Variants in SLC16A1 observed in about 807,000 individuals in gnomAD.
The protein encoded by SLC16A1 is monocarboxylate transporter 1.
SLC16A1 carries 11 observed loss-of-function variants against 32.2 expected under a neutral mutation model. The ratio of observed to expected loss-of-function variants is 0.34; its 90% confidence interval spans 0.21 to 0.56. The LOEUF (loss-of-function observed/expected upper bound fraction) is 0.56. SLC16A1 is among the 20% of genes least tolerant of loss of function. The pLI, the probability that SLC16A1 is intolerant of heterozygous loss-of-function variation, is 0.87. For missense variants in SLC16A1, 435 were observed against 615.0 expected, an observed-to-expected ratio of 0.71 and a Z score of 3.10; for synonymous variants, 231 against 226.8, an observed-to-expected ratio of 1.02 and a Z score of -0.17.
At position 112,913,830 on chromosome 1, in the gene SLC16A1, T is replaced by C; in HGVS notation, c.*61A>G. ...GCACCACTGGTAGATTACAGGCCAG[T>C]AGAATATTTTCAGATATCCTGGGTC... On this transcript the variant is annotated 3_prime_UTR_variant, in exon 5 of 5. Coordinates refer to ENST00000369626, the MANE Select transcript of SLC16A1 (RefSeq NM_003051.4). 5 of 1,589,656 alleles carry C rather than the reference T, an allele frequency of 3.1e-6. No individual in the cohort carries two copies. The highest frequency in any genetic ancestry group is 2.2e-5 in the East Asian group (1 of 44,754).
rs1648354271 is a variant in SLC16A1, at chr1:112,912,438, G to A, written c.*1453C>T. 1 of 152,086 alleles carries A rather than the reference G, an allele frequency of 6.6e-6. No homozygotes were observed. The highest frequency in any genetic ancestry group is 1.5e-5 in the Non-Finnish European group (1 of 68,006). The allele number at this position is 152,086 out of a possible 1,614,324, so 9.4% of individuals were successfully genotyped here. A position where few individuals can be genotyped will look rare whatever the true frequency, so the allele number is the denominator to read the frequency against. On this transcript the variant is annotated 3_prime_UTR_variant, in exon 5 of 5. Transcript: ENST00000369626. ...ATACTTTTACTCTGTCAATTACAGT[G>A]GTATTTTAAATGCATTGAATATAAT...
intron 1 of SLC16A1, among the ~76,000 whole-genome samples, chr1:112,951,090 T>C (rs1649875439): frequency 6.6e-6 from 1 of 151,994 alleles, no homozygotes. Context: ...AAGATTGTTA[T>C]TGCATTTTAA....
intron 1 of SLC16A1, among the ~76,000 whole-genome samples, chr1:112,953,974 T>C (rs2101656602): frequency 6.6e-6 from 1 of 152,356 alleles, no homozygotes; most frequent in Non-Finnish European, 1.5e-5. Context: ...TTATCTGTTT[T>C]CCAGCTAGAC....
chr1:112,934,181 T>C (rs1336219597), intron 1 of SLC16A1, among the ~76,000 whole-genome samples: 1 of 152,238 alleles, frequency 6.6e-6, no homozygotes, highest in Non-Finnish European at 1.5e-5. Flanking sequence ...TCTGAAAATA[T>C]GAAACCCAAA....
rs1041769605 is a variant in SLC16A1, at chr1:112,911,976, C to A, written c.*1915G>T. The A allele has an allele frequency of 2.6e-5, 4 of 152,152 alleles. No homozygotes were observed. Among genetic ancestry groups the A allele is most frequent in the African/African-American group, 9.7e-5 (4 of 41,448 alleles). 9.4% of individuals were successfully genotyped at this position (152,152 alleles called of 1,614,324 possible). ...TACGCAGAGGTTACAGACTTGGGTC[C>A]AAAGAAAATTACAGAGTCCAAACTG... On this transcript the variant is annotated 3_prime_UTR_variant, in exon 5 of 5. Coordinates refer to ENST00000369626, the MANE Select transcript of SLC16A1 (RefSeq NM_003051.4).
intron 1 of SLC16A1, among the ~76,000 whole-genome samples, chr1:112,950,919 C>A (rs1649869689): frequency 6.6e-6 from 1 of 152,178 alleles, no homozygotes; most frequent in South Asian, 2.1e-4. Context: ...TCTGCTTGAG[C>A]CCAGGAGTTA....
chr1:112,944,401 G>A (rs797015675), intron 1 of SLC16A1, among the ~76,000 whole-genome samples: 22 of 152,236 alleles, frequency 1.4e-4, no homozygotes, highest in African/African-American at 4.3e-4. Context: ...CCAAGATCAC[G>A]CCACTGGACC....
Position 112,917,081 on chromosome 1 carries a change from T to C in SLC16A1, c.1228+97A>G, listed in dbSNP as rs539732666. On this transcript the variant is annotated intron_variant, in intron 4 of 4. Coordinates refer to ENST00000369626, the MANE Select transcript of SLC16A1 (RefSeq NM_003051.4). This position sits in a 1 kb window ranked among gnomAD's most constrained non-coding sequence, Gnocchi z 4.1. ...TACATAAATGAGAAAGATTTATTCT[T>C]ACCCAAATAGCTCACTAATGTTTGC... 88 of 1,475,878 alleles carry C rather than the reference T, an allele frequency of 6.0e-5. No homozygotes were observed. The highest frequency in any genetic ancestry group is 7.8e-5 in the Non-Finnish European group (83 of 1,065,904). 91.4% of individuals were successfully genotyped at this position (1,475,878 alleles called of 1,614,324 possible).
intron 1 of SLC16A1, among the ~76,000 whole-genome samples, chr1:112,953,554 T>G (rs974532550): frequency 2.6e-5 from 4 of 152,234 alleles, no homozygotes; most frequent in African/African-American, 7.2e-5. Flanking sequence ...CTTTAATTTT[T>G]TTACCCTCCT....
chr1:112,922,712 T>C (rs1648781315), intron 2 of SLC16A1, among the ~76,000 whole-genome samples: 1 of 151,810 alleles, frequency 6.6e-6, no homozygotes, highest in Admixed American at 6.6e-5. Context: ...GAGGTGGAGG[T>C]TGCAGTGAGC....
chr1:112,929,493 C>T, intron 1 of SLC16A1, 141 bp from the exon 2 acceptor site: 1 of 634,114 alleles, frequency 1.6e-6, no homozygotes, highest in Non-Finnish European at 2.8e-6. Flanking sequence ...GCAGGAGGAT[C>T]ATTTGAGGCC....
chr1:112,918,021 T>G lies in SLC16A1; in HGVS notation c.385A>C (p.Asn129His), dbSNP rs1648577697. 1 of 1,581,516 alleles carries G rather than the reference T, an allele frequency of 6.3e-7. No individual in the cohort carries two copies. Among genetic ancestry groups the G allele is most frequent in the African/African-American group, 1.4e-5 (1 of 72,840 alleles). Residue 129 changes from asparagine to histidine, a missense_variant, in exon 4 of 5, where the codon AAT (asparagine) becomes CAT (histidine). Physicochemically the swap from Asn to His is moderately conservative, Grantham distance 68. Coordinates refer to ENST00000369626, the MANE Select transcript of SLC16A1 (RefSeq NM_003051.4). ...TTGCCAATCATGGTCAGAGCTGGAT[T>G]CAAGTTGAAGGCAAGCCCAAGACCT... ...IGGLGLAFNLNPALTMIGKYF... is the reference protein window; with the variant it reads ...IGGLGLAFNLHPALTMIGKYF...
chr1:112,947,315 G>A (rs568134330), intron 1 of SLC16A1, among the ~76,000 whole-genome samples: 1 of 152,278 alleles, frequency 6.6e-6, no homozygotes, highest in Non-Finnish European at 1.5e-5. Flanking sequence ...AAATAAGTGA[G>A]TTGTCAGGAT....
intron 2 of SLC16A1, among the ~76,000 whole-genome samples, chr1:112,922,698 C>T (rs1328928174): frequency 6.6e-6 from 1 of 152,088 alleles, no homozygotes; most frequent in Non-Finnish European, 1.5e-5. Flanking sequence ...TGGCTTGAAC[C>T]TGGGAGGTGG....
Position 112,941,393 on chromosome 1 carries a change from T to C in SLC16A1, c.-44-12041A>G, listed in dbSNP as rs1484873531. On this transcript the variant is annotated intron_variant, in intron 1 of 4. Coordinates refer to ENST00000369626, the MANE Select transcript of SLC16A1 (RefSeq NM_003051.4). ...GCCTCCTGGATTCAAGCAATTCTCC[T>C]GCCTCAGCCTCCCAAGTAGCTGGGA... Among the ~76,000 whole-genome samples the C allele has an allele frequency of 2.0e-5, 3 of 151,658 alleles. No homozygotes were observed. The East Asian group carries it at 5.9e-4, about 30-fold the overall frequency.
rs1000546889 is a variant in SLC16A1 at position 112,913,254 on chromosome 1, A to G, written c.*637T>C. 6.5e-6 allele frequency: 1 copy of G among 153,390 alleles called. No homozygotes were observed. The highest frequency in any genetic ancestry group is 1.5e-5 in the Non-Finnish European group (1 of 68,822). The allele number at this position is 153,390 out of a possible 1,614,324, so 9.5% of individuals were successfully genotyped here. On this transcript the variant is annotated 3_prime_UTR_variant, in exon 5 of 5. Coordinates refer to ENST00000369626, the MANE Select transcript of SLC16A1 (RefSeq NM_003051.4). The stretch of plus-strand genomic sequence containing the variant: ...AAAAGGTACCTGAGAGGGGTTGACA[A>G]GTACACTGTGTCTAGAACAGCCAAG...
At chr1:112,952,329 T>C (rs1167371906) in intron 1 of SLC16A1, among the ~76,000 whole-genome samples, 1 of 152,156 alleles carries the variant, frequency 6.6e-6, no homozygotes, top group Non-Finnish European at 1.5e-5. Flanking sequence ...AAAACCACAA[T>C]GACATTTGCA....
At chr1:112,936,718 G>A (rs1425718976) in intron 1 of SLC16A1, among the ~76,000 whole-genome samples, 2 of 152,142 alleles carry the variant, frequency 1.3e-5, no homozygotes, top group Non-Finnish European at 2.9e-5. Context: ...TGTAGTGGGA[G>A]TAAAAGGCTT....
chr1:112,922,523 C>T (rs986056849), intron 2 of SLC16A1: 11 of 251,348 alleles, frequency 4.4e-5, no homozygotes, highest in African/African-American at 2.5e-4. Context: ...CCTGTAATCC[C>T]AGCACTTTGG....
Sources: allele counts gnomAD v4.1 joint callset (sites outside exome capture counted in the v4.1 genomes callset), GRCh38; gene constraint gnomAD v4.1.1; non-coding constraint Gnocchi (gnomAD v3.1); transcripts MANE v1.5; gene names NCBI Gene and HGNC (gene_info 2026-07-23, HGNC 2026-07-21).